The following METTL15 variants were observed in gnomAD, a reference collection of about 807,000 sequenced individuals.
METTL15 encodes methyltransferase 15, mitochondrial 12S rRNA N4-cytidine.
A neutral mutation model predicts 38.3 loss-of-function variants in METTL15; 34 were observed. The ratio of observed to expected loss-of-function variants is 0.89; its 90% confidence interval spans 0.68 to 1.18. The LOEUF (loss-of-function observed/expected upper bound fraction) is 1.18. Ranked by LOEUF, METTL15 falls within the 50% of genes most tolerant of loss-of-function variation. METTL15 has a pLI of 0.00. For synonymous variants in METTL15, 162 were observed against 170.9 expected (o/e 0.95, Z 0.41); for missense variants, 438 against 498.4 (o/e 0.88, Z 1.15).
chr11:28,321,721 T>C (rs1408443253), intron 6 of METTL15, among the ~76,000 whole-genome samples: 1 of 152,018 alleles, frequency 6.6e-6, no homozygotes, highest in Non-Finnish European at 1.5e-5. Context: ...TTGAAAAGAA[T>C]GTTGAAAAGA....
chr11:28,396,710 T>G (rs1321491146), intron 5 of METTL15, among the ~76,000 whole-genome samples: 1 of 152,144 alleles, frequency 6.6e-6, no homozygotes, highest in African/African-American at 2.4e-5. Context: ...AAGCTACCAA[T>G]GACTTTCTTC....
intron 5 of METTL15, among the ~76,000 whole-genome samples, chr11:28,291,455 T>G (rs1484835151): frequency 3.9e-5 from 6 of 152,132 alleles, no homozygotes; most frequent in Non-Finnish European, 8.8e-5. Flanking sequence ...CTGTAAAACT[T>G]AACTGTGGTT....
At chr11:28,162,384 A>C (rs1017654563) in intron 3 of METTL15, among the ~76,000 whole-genome samples, 1 of 152,190 alleles carries the variant, frequency 6.6e-6, no homozygotes, top group African/African-American at 2.4e-5. Context: ...AGAAAAGGCC[A>C]CTAGATTTGA....
chr11:28,460,830 G>T (rs1851207759), intron 6 of METTL15, among the ~76,000 whole-genome samples: 1 of 152,048 alleles, frequency 6.6e-6, no homozygotes, highest in Non-Finnish European at 1.5e-5. Context: ...AAGAGGTGCA[G>T]CAGGCTCCTC....
intron 4 of METTL15, among the ~76,000 whole-genome samples, chr11:28,238,810 C>G (rs1480562456): frequency 6.6e-6 from 1 of 152,196 alleles, no homozygotes; most frequent in African/African-American, 2.4e-5. Context: ...CCCCACGGCT[C>G]TACCAAAACT....
intron 5 of METTL15, among the ~76,000 whole-genome samples, chr11:28,402,416 TTC>T (rs575637778): frequency 3.3e-5 from 5 of 151,970 alleles, no homozygotes; most frequent in Non-Finnish European, 7.4e-5. Context: ...TCTCCAGTGA[TTC>T]TCTGACTTCA....
intron 6 of METTL15, among the ~76,000 whole-genome samples, chr11:28,445,995 A>G (rs1194390810): frequency 6.6e-6 from 1 of 152,060 alleles, no homozygotes; most frequent in African/African-American, 2.4e-5. Flanking sequence ...GATTTTGTAG[A>G]GCTCATGTTT....
At chr11:28,297,296 C>A (rs987757329) in intron 6 of METTL15, among the ~76,000 whole-genome samples, 2 of 152,230 alleles carry the variant, frequency 1.3e-5, no homozygotes, top group South Asian at 4.1e-4. Context: ...TGATCCATCG[C>A]AGTGGTTGAT....
At chr11:28,230,541 A>G (rs186461805) in intron 4 of METTL15, among the ~76,000 whole-genome samples, 416 of 152,090 alleles carry the variant, frequency 2.7e-3, no homozygotes, top group African/African-American at 8.5e-3. Flanking sequence ...TATCTTGGGT[A>G]AATAATACAT....
At chr11:28,395,776 G>A (rs567909050) in intron 5 of METTL15, among the ~76,000 whole-genome samples, 11 of 151,928 alleles carry the variant, frequency 7.2e-5, no homozygotes, top group African/African-American at 1.5e-4. Flanking sequence ...TACCAAAGCC[G>A]GGCAGAGACA....
chr11:28,346,945 G>C (rs1458308486), intron 3 of METTL15, among the ~76,000 whole-genome samples: 1 of 152,200 alleles, frequency 6.6e-6, no homozygotes, highest in African/African-American at 2.4e-5. Flanking sequence ...CAGATTAGAT[G>C]TCCATGTTTA....
In METTL15 at chr11:28,332,078, A is replaced by G. The variant is rs566197545; in HGVS notation, c.*1237A>G. ...GAAATATCAGCATAACTATGTGGGC[A>G]AAATAGATAGAATTAAATGCATGAA... On this transcript the variant is annotated 3_prime_UTR_variant, in exon 7 of 7. Coordinates refer to ENST00000407364, the MANE Select transcript of METTL15 (RefSeq NM_001113528.2). 6.7e-6 allele frequency: 1 copy of G among 149,604 alleles called. No individual in the cohort carries two copies. Among genetic ancestry groups the G allele is most frequent in the South Asian group, 2.2e-4 (1 of 4,558 alleles). 9.3% of individuals were successfully genotyped at this position (149,604 alleles called of 1,614,324 possible). A position where few individuals can be genotyped will look rare whatever the true frequency, so the allele number is the denominator to read the frequency against.
At chr11:28,351,173 G>A (rs192054071) in intron 3 of METTL15, among the ~76,000 whole-genome samples, 1 of 152,072 alleles carries the variant, frequency 6.6e-6, no homozygotes, top group Non-Finnish European at 1.5e-5. Context: ...GTGAAGTGGT[G>A]CAATCGCAGC....
At chr11:28,238,143 A>T (rs1028774303) in intron 4 of METTL15, among the ~76,000 whole-genome samples, 2 of 152,204 alleles carry the variant, frequency 1.3e-5, no homozygotes, top group African/African-American at 4.8e-5. Flanking sequence ...AAGCTGTCAG[A>T]CAGGGACATT....
intron 4 of METTL15, among the ~76,000 whole-genome samples, chr11:28,249,906 G>A (rs985888921): frequency 6.6e-6 from 1 of 151,948 alleles, no homozygotes; most frequent in Admixed American, 6.6e-5. Flanking sequence ...AGGCTGCAGT[G>A]TCTGTTTTTC....
At chr11:28,364,600 C>G (rs910165459) in intron 5 of METTL15, among the ~76,000 whole-genome samples, 2 of 152,062 alleles carry the variant, frequency 1.3e-5, no homozygotes, top group Non-Finnish European at 2.9e-5. Flanking sequence ...TTAGGATTTT[C>G]TAGGTATAGA....
chr11:28,514,572 A>G (rs909790177), intron 6 of METTL15, among the ~76,000 whole-genome samples: 4 of 152,358 alleles, frequency 2.6e-5, no homozygotes, highest in African/African-American at 7.2e-5. Flanking sequence ...AACTAAAAGC[A>G]TGCTAAGAAA....
intron 3 of METTL15, among the ~76,000 whole-genome samples, chr11:28,181,660 A>T (rs1039639012): frequency 2.6e-5 from 4 of 152,024 alleles, no homozygotes; most frequent in African/African-American, 7.2e-5. Flanking sequence ...TCTATCATTG[A>T]TGGACATTTG....
chr11:28,429,030 C>T (rs1205285995), intron 6 of METTL15, among the ~76,000 whole-genome samples: 2 of 152,100 alleles, frequency 1.3e-5, no homozygotes, highest in Non-Finnish European at 2.9e-5. Flanking sequence ...ATACTGCCTG[C>T]CTGACTGGAC....
Sources: gnomAD v4.1 joint callset for allele counts (sites outside exome capture counted in the v4.1 genomes callset) on GRCh38, gnomAD v4.1.1 for gene constraint, MANE v1.5 for transcripts, NCBI Gene and HGNC (gene_info 2026-07-23, HGNC 2026-07-21) for gene names.